PRDM16: variants seen among roughly 807,000 people sequenced by gnomAD.
The protein encoded by PRDM16 is histone-lysine N-methyltransferase PRDM16.
PRDM16 carries 23 observed loss-of-function variants against 110.6 expected under a neutral mutation model. The ratio of observed to expected loss-of-function variants is 0.21; its 90% CI spans 0.15 to 0.29. The LOEUF (loss-of-function observed/expected upper bound fraction) is 0.29. Ranked by LOEUF, PRDM16 falls within the 10% of genes least tolerant of loss-of-function variation. PRDM16 has a pLI of 1.00. For missense variants in PRDM16, 1,615 were observed against 1,794.3 expected (o/e 0.90, Z 1.81); for synonymous variants, 799 against 781.8 (o/e 1.02, Z -0.37).
In PRDM16 at chr1:3,385,277, C is replaced by A. The variant is rs1395700555; in HGVS notation, c.564C>A (p.Ile188=). ...CDDQNLTMCQ[I]SEQIYYKVIK... Reference sequence around the variant, plus strand: ...ACCAGAACCTCACCATGTGTCAGATCAGTGAGCAGGTAGGTCCGGGCTCAT... The same window carrying A: ...ACCAGAACCTCACCATGTGTCAGATAAGTGAGCAGGTAGGTCCGGGCTCAT... Residue 188 remains isoleucine (I), a synonymous_variant, in exon 4 of 17, where the codon ATC becomes ATA. Coordinates refer to ENST00000270722, the MANE Select transcript of PRDM16 (RefSeq NM_022114.4). The A allele has an allele frequency of 1.9e-6, 3 of 1,613,546 alleles. No homozygotes were observed. In the East Asian group the frequency reaches 6.7e-5, roughly 36 times the overall value.
intron 16 of PRDM16, 88 bp from the exon 17 acceptor site, chr1:3,433,589 C>T (rs1638829587): frequency 1.6e-6 from 1 of 630,982 alleles, no homozygotes; most frequent in African/African-American, 2.6e-5. Context: ...CCGCCCTGCC[C>T]ACGCGCTCAC....
chr1:3,430,758 G>A (rs1314593942), intron 14 of PRDM16, 114 bp from the exon 15 acceptor site: 6 of 1,271,386 alleles, frequency 4.7e-6, no homozygotes, highest in South Asian at 2.7e-5. Flanking sequence ...CAGGAAGGGG[G>A]CTGAGTGTTG....
chr1:3,181,836 A>C lies in PRDM16; in HGVS notation c.38-4289A>C, dbSNP rs911604995. ...CTTACACATGCGGTCTTACACATTC[A>C]GTCTTACACACGGTCTTACACACGC... is the stretch of plus-strand genomic sequence containing the variant. On this transcript the variant is annotated intron_variant, in intron 1 of 16. Coordinates refer to ENST00000270722, the MANE Select transcript of PRDM16 (RefSeq NM_022114.4). Among the ~76,000 whole-genome samples the C allele has an allele frequency of 6.7e-5, 6 of 89,544 alleles. 1 individual carries two copies. Among genetic ancestry groups the C allele is most frequent in the African/African-American group, 2.4e-4 (6 of 25,200 alleles). The allele number at this position is 89,544 out of a possible 152,430, so 58.7% of individuals were successfully genotyped here.
intron 12 of PRDM16, among the ~76,000 whole-genome samples, chr1:3,420,736 C>T (rs1638402809): frequency 1.1e-5 from 1 of 94,908 alleles, no homozygotes; most frequent in Admixed American, 1.3e-4. Flanking sequence ...GAGTTAATGG[C>T]AGTCTTATTT....
chr1:3,214,279 A>G (rs1346898729), intron 2 of PRDM16, among the ~76,000 whole-genome samples: 1 of 151,888 alleles, frequency 6.6e-6, no homozygotes, highest in South Asian at 2.1e-4. Context: ...CAACCCTAAC[A>G]CTCTGTTTCT....
At chr1:3,160,916 G>A (rs945321448) in intron 1 of PRDM16, among the ~76,000 whole-genome samples, 7 of 152,212 alleles carry the variant, frequency 4.6e-5, no homozygotes, top group Admixed American at 1.3e-4. Context: ...GCTGTTTTTC[G>A]GGCAGGATGC....
chr1:3,239,399 C>T (rs1639610925), intron 2 of PRDM16, among the ~76,000 whole-genome samples: 1 of 152,060 alleles, frequency 6.6e-6, no homozygotes, highest in African/African-American at 2.4e-5. Context: ...CCCTGAGCCC[C>T]TCGACCCCAC....
Position 3,425,546 on chromosome 1 carries a change from G to GGGC in PRDM16, c.2940-34_2940-32dup. The GGGC allele has an allele frequency of 6.2e-7, 1 of 1,605,296 alleles. No individual in the cohort carries two copies. Among genetic ancestry groups the GGGC allele is most frequent in the East Asian group, 2.2e-5 (1 of 44,734 alleles). On this transcript the variant is annotated intron_variant, in intron 12 of 16. Coordinates refer to ENST00000270722, the MANE Select transcript of PRDM16 (RefSeq NM_022114.4). The surrounding 1 kb of genome is among the most constrained non-coding windows in gnomAD (Gnocchi z 6.9). ...TGGCCCGGCCTGCCATGCAGAGCCG[G>GGGC]GGCCTGCACTGAGGAGCGCGTGTGC...
At chr1:3,395,489 T>G (rs954820041) in intron 4 of PRDM16, among the ~76,000 whole-genome samples, 15 of 152,158 alleles carry the variant, frequency 9.9e-5, no homozygotes, top group African/African-American at 3.6e-4. Flanking sequence ...CGGCCAGGCC[T>G]GCAGTTCCCT....
intron 3 of PRDM16, among the ~76,000 whole-genome samples, chr1:3,337,067 CTGTG>C (rs1184213423): frequency 4.1e-5 from 6 of 145,426 alleles, no homozygotes; most frequent in Non-Finnish European, 7.5e-5. Flanking sequence ...TGGTGTGAAT[CTGTG>C]TGCGTGTGTG....
chr1:3,414,765 G>A (rs1322361602), intron 10 of PRDM16, 118 bp downstream of exon 10: 5 of 725,130 alleles, frequency 6.9e-6, no homozygotes, highest in African/African-American at 3.5e-5. Context: ...GCCATACCAC[G>A]CACAGACGCC....
At chr1:3,172,216 C>T (rs954490577) in intron 1 of PRDM16, among the ~76,000 whole-genome samples, 6 of 152,062 alleles carry the variant, frequency 3.9e-5, no homozygotes, top group African/African-American at 4.8e-5. Context: ...CGGTTGGATT[C>T]GTGCCTGTTT....
At position 3,417,886 on chromosome 1, in the gene PRDM16, A is replaced by G; in HGVS notation, c.2750A>G (p.Asp917Gly). ...GAGAGCTTTGCAGCCATGAAGGCGG[A>G]CTCGGGCAGCTCCCTGCAGCCCCTC... Reference protein sequence around the residue: ...KLESFAAMKADSGSSLQPLPH... With the variant: ...KLESFAAMKAGSGSSLQPLPH... The change falls in exon 11 of 17, where the codon GAC becomes GGC. Residue 917 changes from aspartate (D) to glycine (G), a missense_variant. Around this residue, in one of 5 missense-constraint regions of PRDM16, gnomAD observed 772 missense variants for 748.3 expected, o/e 1.03. Transcript: ENST00000270722. 6.2e-7 allele frequency: 1 copy of G among 1,613,682 alleles called. No individual in the cohort carries two copies.
chr1:3,296,420 C>T (rs757848876), intron 3 of PRDM16, among the ~76,000 whole-genome samples: 6 of 152,236 alleles, frequency 3.9e-5, no homozygotes, highest in African/African-American at 9.6e-5. Context: ...GAACTGGGGC[C>T]GGGGGCAGAG....
At chr1:3,384,786 G>C (rs1026560023) in intron 3 of PRDM16, among the ~76,000 whole-genome samples, 3 of 152,250 alleles carry the variant, frequency 2.0e-5, no homozygotes, top group Non-Finnish European at 2.9e-5. Context: ...TTAGCAGAGG[G>C]CTCTGCTCCC....
chr1:3,295,198 A>G (rs1217529624), intron 3 of PRDM16, among the ~76,000 whole-genome samples: 1 of 152,198 alleles, frequency 6.6e-6, no homozygotes, highest in African/African-American at 2.4e-5. Flanking sequence ...ACGAGGAGCC[A>G]GGCCATTACA....
rs1642891225 is a variant in PRDM16, at chr1:3,370,773, G to A, written c.439-14379G>A. Reference sequence around the variant, plus strand: ...AGCCATAAGTGTCTGGGCAAGTTGAGGGGAGGGTCTGCTCCCCATCCATCC... The same window carrying A: ...AGCCATAAGTGTCTGGGCAAGTTGAAGGGAGGGTCTGCTCCCCATCCATCC... On this transcript the variant is annotated intron_variant, in intron 3 of 16. Coordinates refer to ENST00000270722, the MANE Select transcript of PRDM16 (RefSeq NM_022114.4). The surrounding 1 kb of genome is among the most constrained non-coding windows in gnomAD (Gnocchi z 4.8). Among the ~76,000 whole-genome samples the A allele has an allele frequency of 1.3e-5, 2 of 152,104 alleles. No homozygotes were observed. Among genetic ancestry groups the A allele is most frequent in the Admixed American group, 6.6e-5 (1 of 15,264 alleles).
chr1:3,194,945 C>T (rs557376089), intron 2 of PRDM16, among the ~76,000 whole-genome samples: 2 of 152,322 alleles, frequency 1.3e-5, no homozygotes, highest in African/African-American at 4.8e-5. Context: ...GTGGAGAGTT[C>T]TGCGTGAGGC....
At chr1:3,403,065 C>T (rs1289390239) in intron 6 of PRDM16, 67 bp downstream of exon 6, 5 of 701,616 alleles carry the variant, frequency 7.1e-6, no homozygotes, top group South Asian at 9.1e-5. Flanking sequence ...CTCCCCTTCC[C>T]GTGCCCTCCT....
Sources: gnomAD v4.1 joint callset for allele counts (sites outside exome capture counted in the v4.1 genomes callset) on GRCh38, gnomAD v4.1.1 for gene constraint, gnomAD v4.1.1 regional missense constraint, Gnocchi (gnomAD v3.1) non-coding constraint, MANE v1.5 for transcripts, NCBI Gene and HGNC (gene_info 2026-07-23, HGNC 2026-07-21) for gene names.